The following UTP18 variants were observed in gnomAD, a reference collection of about 807,000 sequenced individuals.
The protein encoded by UTP18 is U3 small nucleolar RNA-associated protein 18 homolog.
UTP18 carries 36 observed loss-of-function variants against 61.1 expected under a neutral mutation model. The observed-to-expected ratio is 0.59, with a 90% CI of 0.45 to 0.78. UTP18 has a LOEUF of 0.78. UTP18 is among the 30% of genes least tolerant of loss of function. UTP18 has a pLI of 0.00. For synonymous variants in UTP18, 282 were observed against 251.1 expected, an observed-to-expected ratio of 1.12 and a Z score of -1.16; for missense variants, 753 against 693.9, an observed-to-expected ratio of 1.09 and a Z score of -0.96.
intron 7 of UTP18, 134 bp downstream of exon 7, chr17:51,277,438 T>C: frequency 9.7e-7 from 1 of 1,029,188 alleles, no homozygotes. Flanking sequence ...GTTTGGAAAA[T>C]GTCTTTGTGC....
chr17:51,269,294 C>CAAAAAAAAA (rs58681434), intron 4 of UTP18, among the ~76,000 whole-genome samples: 5 of 66,666 alleles, frequency 7.5e-5, no homozygotes, highest in African/African-American at 1.3e-4. Context: ...GACTCTGTCT[C>CAAAAAAAAA]AAAAAAAAAA....
Position 51,283,386 on chromosome 17 carries a change from T to C in UTP18, c.1205-1859T>C, listed in dbSNP as rs560284148. On this transcript the variant is annotated intron_variant, in intron 9 of 13. Transcript: ENST00000225298. Reference sequence around the variant, plus strand: ...TTTCATCATGTTGGCCAGGCTGGTCTTGAACTACTGACCTCAGGTGATCTG... The same window carrying C: ...TTTCATCATGTTGGCCAGGCTGGTCCTGAACTACTGACCTCAGGTGATCTG... 2.0e-5 allele frequency among the ~76,000 whole-genome samples: 3 copies of C among 152,216 alleles called. No homozygotes were observed. In the South Asian group the frequency reaches 6.2e-4, roughly 32 times the overall value.
chr17:51,275,833 A>G (rs1281115116), intron 5 of UTP18, 33 bp from the exon 6 acceptor site: 1 of 1,566,776 alleles, frequency 6.4e-7, no homozygotes, highest in East Asian at 2.3e-5. Context: ...TATTCATTTC[A>G]ATTGATAAAA....
chr17:51,277,897 G>T (rs1451084321), intron 7 of UTP18, among the ~76,000 whole-genome samples: 2 of 151,962 alleles, frequency 1.3e-5, no homozygotes, highest in African/African-American at 4.8e-5. Flanking sequence ...ACACCTTCAT[G>T]CATCCTTTGG....
At position 51,280,038 on chromosome 17, in the gene UTP18, T is replaced by G; in HGVS notation, c.1046T>G (p.Val349Gly). The change falls in exon 8 of 14, where the codon GTC becomes GGC. Residue 349 changes from valine (V) to glycine (G), a missense_variant. By Grantham distance (109) the Val-to-Gly change is moderately radical. Transcript: ENST00000225298. Reference sequence around the variant, plus strand: ...GAGAAGATAGTGAGGAGCTTTGAAGTCTCCCCAGATGGGTCCTTCTTGCTC... The same window carrying G: ...GAGAAGATAGTGAGGAGCTTTGAAGGCTCCCCAGATGGGTCCTTCTTGCTC... Reference protein sequence around the residue: ...LKEKIVRSFEVSPDGSFLLIN... With the variant: ...LKEKIVRSFEGSPDGSFLLIN... 6.2e-7 allele frequency: 1 copy of G among 1,613,934 alleles called. No individual in the cohort carries two copies. Among genetic ancestry groups the G allele is most frequent in the Non-Finnish European group, 8.5e-7 (1 of 1,179,918 alleles).
intron 4 of UTP18, among the ~76,000 whole-genome samples, chr17:51,271,980 A>G (rs1289319950): frequency 1.3e-5 from 2 of 151,966 alleles, no homozygotes; most frequent in East Asian, 1.9e-4. Flanking sequence ...TTGGGGGCTT[A>G]CTTTTAATTA....
chr17:51,276,490 T>C (rs1904727121), intron 6 of UTP18, among the ~76,000 whole-genome samples: 1 of 152,232 alleles, frequency 6.6e-6, no homozygotes, highest in South Asian at 2.1e-4. Context: ...CTTTTAATTT[T>C]CTGGTGAGTT....
At chr17:51,274,277 A>T (rs1306453636) in intron 5 of UTP18, among the ~76,000 whole-genome samples, 3 of 152,226 alleles carry the variant, frequency 2.0e-5, no homozygotes, top group African/African-American at 7.2e-5. Flanking sequence ...AGTGGTCTAC[A>T]CTATTCACTT....
chr17:51,281,922 G>A (rs1904940840), intron 9 of UTP18, among the ~76,000 whole-genome samples: 1 of 152,208 alleles, frequency 6.6e-6, no homozygotes. Flanking sequence ...ATCAGCCCTT[G>A]TAGCAATACT....
chr17:51,278,956 G>C lies in UTP18; in HGVS notation c.1013-1049G>C, dbSNP rs1427180408. 2.0e-5 allele frequency among the ~76,000 whole-genome samples: 3 copies of C among 152,258 alleles called. No homozygotes were observed. In the East Asian group the frequency reaches 5.8e-4, roughly 29 times the overall value. ...ACTAAGATGTAGTCTTTGGGAGACA[G>C]GACTAGAGTGGGATGTCCAGTTTGT... On this transcript the variant is annotated intron_variant, in intron 7 of 13. Coordinates refer to ENST00000225298, the MANE Select transcript of UTP18 (RefSeq NM_016001.3).
Position 51,263,294 on chromosome 17 carries a change from G to T in UTP18, c.363G>T (p.Ser121=), listed in dbSNP as rs569494747. The change falls in exon 2 of 14, where the codon TCG becomes TCT. Residue 121 remains serine (S), a synonymous_variant. Coordinates refer to ENST00000225298, the MANE Select transcript of UTP18 (RefSeq NM_016001.3). ...TGTAGGTTCAAGAACATGAAGACTC[G>T]GGTGACTCAGAAGTGGAGAATGAAG... The part of the protein sequence containing the change: ...RGPRVQEHED[S]GDSEVENEAK... 4 of 1,614,150 alleles carry T rather than the reference G, an allele frequency of 2.5e-6. No individual in the cohort carries two copies. The highest frequency in any genetic ancestry group is 3.4e-6 in the Non-Finnish European group (4 of 1,180,012).
At chr17:51,287,134 C>G (rs1036549787) in intron 10 of UTP18, among the ~76,000 whole-genome samples, 6 of 152,134 alleles carry the variant, frequency 3.9e-5, no homozygotes, top group African/African-American at 1.4e-4. Context: ...ATTGCCCTCT[C>G]TTTTTTGTAT....
chr17:51,272,913 C>T (rs190564294), intron 4 of UTP18, among the ~76,000 whole-genome samples: 1 of 152,310 alleles, frequency 6.6e-6, no homozygotes, highest in Admixed American at 6.5e-5. Flanking sequence ...TTTTGAAGTT[C>T]TGATACATAG....
At chr17:51,266,330 C>A in intron 3 of UTP18, 50 bp downstream of exon 3, 1 of 1,328,486 alleles carries the variant, frequency 7.5e-7, no homozygotes, top group Non-Finnish European at 1.0e-6. Flanking sequence ...GTAACCAATG[C>A]CCAGTCATTA....
At chr17:51,267,548 A>C (rs1398207375) in intron 3 of UTP18, among the ~76,000 whole-genome samples, 1 of 150,560 alleles carries the variant, frequency 6.6e-6, no homozygotes, top group Admixed American at 6.6e-5. Flanking sequence ...CTCTTCCCTC[A>C]ATCTGATTAT....
intron 9 of UTP18, 87 bp from the exon 10 acceptor site, chr17:51,285,158 T>C: frequency 1.4e-6 from 2 of 1,468,030 alleles, no homozygotes; most frequent in South Asian, 2.4e-5. Flanking sequence ...TCTCCTGTAC[T>C]GTTAAGAGGG....
intron 6 of UTP18, among the ~76,000 whole-genome samples, chr17:51,276,540 G>C (rs1454365286): frequency 6.6e-6 from 1 of 152,066 alleles, no homozygotes; most frequent in East Asian, 1.9e-4. Flanking sequence ...GACTTTACTG[G>C]GTCTTCCATG....
In UTP18 at chr17:51,288,156, G is replaced by T. The variant is rs1905161111; in HGVS notation, c.1456G>T (p.Glu486Ter). 6.2e-7 allele frequency: 1 copy of T among 1,603,416 alleles called. No homozygotes were observed. The highest frequency in any genetic ancestry group is 8.5e-7 in the Non-Finnish European group (1 of 1,177,404). The change falls in exon 11 of 14, where the codon GAA becomes TAA. Residue 486 changes from glutamate to a stop codon, truncating the protein, a stop_gained. Transcript: ENST00000225298. LOFTEE classifies it high-confidence loss of function. ...TTCTCTGACCTTCAATCCTACTACA[G>T]AAATCTTGGCAATTGCTTCAGAAAA... ...VTSLTFNPTTEILAIASEKMK... is the reference protein window; with the variant it reads ...VTSLTFNPTT
intron 4 of UTP18, among the ~76,000 whole-genome samples, chr17:51,271,657 C>G (rs574576962): frequency 2.0e-4 from 31 of 151,996 alleles, no homozygotes; most frequent in Admixed American, 3.9e-4. Flanking sequence ...CTATTGGAGG[C>G]TTAATTTAAT....
Sources: allele counts gnomAD v4.1 joint callset (sites outside exome capture counted in the v4.1 genomes callset), GRCh38; gene constraint gnomAD v4.1.1; transcripts MANE v1.5; gene names NCBI Gene and HGNC (gene_info 2026-07-23, HGNC 2026-07-21).